Variants in PDGFC observed in about 807,000 individuals in gnomAD.
PDGFC encodes platelet derived growth factor C.
PDGFC carries 12 observed loss-of-function variants against 35.5 expected under a neutral mutation model. That is an observed-to-expected ratio of 0.34 (90% CI 0.22 to 0.55). PDGFC has a LOEUF of 0.55. Ranked by LOEUF, PDGFC falls within the 20% of genes least tolerant of loss-of-function variation. The pLI is 0.91. For synonymous variants in PDGFC, 159 were observed against 148.8 expected, an observed-to-expected ratio of 1.07 and a Z score of -0.50; for missense variants, 322 against 412.4, an observed-to-expected ratio of 0.78 and a Z score of 1.90.
chr4:156,889,921 AG>A (rs1730463042), intron 1 of PDGFC, among the ~76,000 whole-genome samples: 1 of 152,148 alleles, frequency 6.6e-6, no homozygotes, highest in Non-Finnish European at 1.5e-5. Context: ...GAATGGTCCA[AG>A]TGTTGGTTTA....
chr4:156,848,125 G>A (rs888595180), intron 2 of PDGFC, among the ~76,000 whole-genome samples: 1 of 150,576 alleles, frequency 6.6e-6, no homozygotes, highest in Non-Finnish European at 1.5e-5. Flanking sequence ...ACATAAGCAG[G>A]CATGATAAAA....
chr4:156,868,156 AAAGGAGATT>A (rs1729889339), intron 1 of PDGFC, among the ~76,000 whole-genome samples: 1 of 152,230 alleles, frequency 6.6e-6, no homozygotes, highest in South Asian at 2.1e-4. Context: ...TAATGTGATA[AAAGGAGATT>A]AAATACTTTT....
rs145245149 is a variant in PDGFC, at chr4:156,906,014, G to C, written c.119-55598C>G. 7.0e-3 allele frequency among the ~76,000 whole-genome samples: 1,060 copies of C among 152,188 alleles called. 14 individuals are homozygous for C. The highest frequency in any genetic ancestry group is 0.023 in the African/African-American group (962 of 41,548). On this transcript the variant is annotated intron_variant, in intron 1 of 5. Coordinates refer to ENST00000502773, the MANE Select transcript of PDGFC (RefSeq NM_016205.3). ...TTAAAAGATGCTTCATCAGATACTT[G>C]TGTAAGTATACACAGAGATATACAT...
chr4:156,959,359 A>G (rs865963490), intron 1 of PDGFC, among the ~76,000 whole-genome samples: 3 of 152,032 alleles, frequency 2.0e-5, no homozygotes, highest in Non-Finnish European at 4.4e-5. Context: ...TGGACTGCAA[A>G]TCTATCACTT....
At chr4:156,902,272 C>A (rs181305628) in intron 1 of PDGFC, among the ~76,000 whole-genome samples, 8 of 152,252 alleles carry the variant, frequency 5.3e-5, no homozygotes. Flanking sequence ...AGAAAAGATT[C>A]TAATAAACAC....
chr4:156,847,679 A>G (rs1373715437), intron 2 of PDGFC, among the ~76,000 whole-genome samples: 1 of 71,262 alleles, frequency 1.4e-5, no homozygotes, highest in Non-Finnish European at 2.5e-5. Context: ...GGATGCTAAC[A>G]TTGGAGGAAC....
chr4:156,774,652 CT>C (rs869200131), intron 3 of PDGFC, among the ~76,000 whole-genome samples: 1,860 of 133,638 alleles, frequency 0.014, 21 homozygotes, highest in African/African-American at 0.031. Flanking sequence ...TGATTTCATC[CT>C]TTTTTTTTTT....
At chr4:156,909,782 A>T (rs1730997226) in intron 1 of PDGFC, among the ~76,000 whole-genome samples, 1 of 152,152 alleles carries the variant, frequency 6.6e-6, no homozygotes, top group Non-Finnish European at 1.5e-5. Flanking sequence ...TAACCCCTTG[A>T]ACCTGTGAAA....
chr4:156,804,835 A>G (rs1389418461), intron 3 of PDGFC, among the ~76,000 whole-genome samples: 1 of 152,022 alleles, frequency 6.6e-6, no homozygotes, highest in African/African-American at 2.4e-5. Context: ...TTTTAACTCC[A>G]AGCTTTTAAA....
chr4:156,879,346 T>C (rs1730188879), intron 1 of PDGFC, among the ~76,000 whole-genome samples: 1 of 152,192 alleles, frequency 6.6e-6, no homozygotes, highest in African/African-American at 2.4e-5. Context: ...AAATCAATCA[T>C]CCAATCCCAG....
intron 1 of PDGFC, among the ~76,000 whole-genome samples, chr4:156,860,666 T>C (rs1378057436): frequency 6.6e-6 from 1 of 152,192 alleles, no homozygotes; most frequent in Non-Finnish European, 1.5e-5. Flanking sequence ...TTACTTCTTT[T>C]CTCAAGTGTA....
chr4:156,793,534 CAT>C (rs66571528), intron 3 of PDGFC, among the ~76,000 whole-genome samples: 35,518 of 130,334 alleles, frequency 0.27, 4,649 homozygotes, highest in Middle Eastern at 0.37. Context: ...GAATTATGTG[CAT>C]ATATATATAT....
At chr4:156,765,308 C>T (rs1034228154) in intron 5 of PDGFC, among the ~76,000 whole-genome samples, 2 of 152,024 alleles carry the variant, frequency 1.3e-5, no homozygotes, top group African/African-American at 4.8e-5. Context: ...AGAAAAGAAA[C>T]AGGGCTAATG....
Position 156,761,318 on chromosome 4 carries a change from G to GA in PDGFC, c.*1771_*1772insT, listed in dbSNP as rs1169813494. On this transcript the variant is annotated 3_prime_UTR_variant, in exon 6 of 6. Transcript: ENST00000502773. ...TGAAGACATGAGTGGAAACCTGCAAGTTTTTTTCCAGTTTCATACTACCAT... is the reference window on the plus strand; with the variant it reads ...TGAAGACATGAGTGGAAACCTGCAAGATTTTTTTCCAGTTTCATACTACCAT... 1 of 152,134 alleles carries GA rather than the reference G, an allele frequency of 6.6e-6. No homozygotes were observed. The allele number at this position is 152,134 out of a possible 1,614,324, so 9.4% of individuals were successfully genotyped here.
At chr4:156,926,640 T>C (rs141987931) in intron 1 of PDGFC, among the ~76,000 whole-genome samples, 173 of 152,348 alleles carry the variant, frequency 1.1e-3, no homozygotes, top group African/African-American at 3.7e-3. Flanking sequence ...TTTGACTCCA[T>C]GTCTCACATC....
intron 1 of PDGFC, among the ~76,000 whole-genome samples, chr4:156,891,178 T>C (rs1312845477): frequency 6.9e-6 from 1 of 145,690 alleles, no homozygotes; most frequent in Non-Finnish European, 1.5e-5. Flanking sequence ...CATCTAAACA[T>C]AAAAAAAAGG....
intron 5 of PDGFC, among the ~76,000 whole-genome samples, chr4:156,763,944 CTT>C (rs1730451240): frequency 6.6e-6 from 1 of 152,178 alleles, no homozygotes; most frequent in Non-Finnish European, 1.5e-5. Context: ...CATATTTCCT[CTT>C]AATACTATGA....
intron 1 of PDGFC, among the ~76,000 whole-genome samples, chr4:156,915,763 A>T (rs1731143924): frequency 6.6e-6 from 1 of 152,176 alleles, no homozygotes; most frequent in Admixed American, 6.5e-5. Flanking sequence ...CCTGGGCAAC[A>T]GAGTGAGACT....
At chr4:156,840,689 T>C (rs1451580078) in intron 2 of PDGFC, among the ~76,000 whole-genome samples, 1 of 152,104 alleles carries the variant, frequency 6.6e-6, no homozygotes, top group African/African-American at 2.4e-5. Context: ...AGAAACTCAA[T>C]GCTAGCCTTT....
Sources: allele counts gnomAD v4.1 joint callset (sites outside exome capture counted in the v4.1 genomes callset), GRCh38; gene constraint gnomAD v4.1.1; transcripts MANE v1.5; gene names NCBI Gene and HGNC (gene_info 2026-07-23, HGNC 2026-07-21).